Variants in MAF observed in about 807,000 individuals in gnomAD.
The protein encoded by MAF is transcription factor Maf.
In MAF, 10 loss-of-function variants were observed where a neutral mutation model predicts 22.0. That is an observed-to-expected ratio of 0.45 (90% CI 0.28 to 0.77). MAF has a LOEUF of 0.77. MAF is among the 30% of genes least tolerant of loss of function. MAF has a pLI of 0.12. For missense variants in MAF, 544 were observed against 548.4 expected (o/e 0.99, Z 0.08); for synonymous variants, 337 against 255.8 (o/e 1.32, Z -3.03).
chr16:79,297,570 T>C, the MAF span, among the ~76,000 whole-genome samples: 1 of 152,180 alleles, frequency 6.6e-6, no homozygotes, highest in Admixed American at 6.5e-5. Context: ...CGGCTATAAA[T>C]GGAGAAGATC....
the MAF span, among the ~76,000 whole-genome samples, chr16:79,263,530 T>G: frequency 2.6e-5 from 4 of 152,242 alleles, no homozygotes; most frequent in African/African-American, 9.6e-5. Context: ...TAACTTTGTT[T>G]CTTCATGCCA....
the MAF span, among the ~76,000 whole-genome samples, chr16:79,287,742 C>G: frequency 2.0e-5 from 3 of 152,218 alleles, no homozygotes; most frequent in Non-Finnish European, 4.4e-5. Context: ...TTCATTCACT[C>G]ATTCTTTCAT....
At chr16:79,293,320 G>T in the MAF span, among the ~76,000 whole-genome samples, 1 of 152,112 alleles carries the variant, frequency 6.6e-6, no homozygotes, top group African/African-American at 2.4e-5. Flanking sequence ...TGGATTAAGG[G>T]ACCTCACTCA....
chr16:79,294,581 T>C, the MAF span, among the ~76,000 whole-genome samples: 1 of 152,238 alleles, frequency 6.6e-6, no homozygotes, highest in African/African-American at 2.4e-5. Context: ...TACGTAGGTA[T>C]ACTATTATCA....
chr16:79,304,521 C>A, the MAF span, among the ~76,000 whole-genome samples: 1 of 151,884 alleles, frequency 6.6e-6, no homozygotes, highest in African/African-American at 2.4e-5. Flanking sequence ...TTTTGTGGGT[C>A]TGGTCTCACT....
the MAF span, among the ~76,000 whole-genome samples, chr16:79,211,034 AGTGTGT>A: frequency 0.022 from 3,323 of 149,704 alleles, 114 homozygotes; most frequent in African/African-American, 0.069. Flanking sequence ...TATGGTGAGG[AGTGTGT>A]GTGTGTGTGT....
chr16:79,590,215 G>A (rs1428411146), downstream of MAF, among the ~76,000 whole-genome samples: 4 of 152,010 alleles, frequency 2.6e-5, no homozygotes, highest in South Asian at 2.1e-4. Context: ...CGGAGGGGGG[G>A]ATGATGGGGG....
chr16:79,378,068 G>C, the MAF span, among the ~76,000 whole-genome samples: 3 of 152,158 alleles, frequency 2.0e-5, no homozygotes, highest in South Asian at 6.2e-4. Flanking sequence ...TGTGGAGAAA[G>C]TCATGGGTAG....
the MAF span, among the ~76,000 whole-genome samples, chr16:79,551,076 C>G: frequency 9.9e-5 from 15 of 152,128 alleles, no homozygotes; most frequent in African/African-American, 3.6e-4. Flanking sequence ...CTGGGAACCA[C>G]AAAATGTTGA....
the MAF span, among the ~76,000 whole-genome samples, chr16:79,545,351 G>T: frequency 1.3e-5 from 2 of 152,168 alleles, no homozygotes; most frequent in Non-Finnish European, 2.9e-5. Context: ...AACTGAGGGG[G>T]CCCATGCAAA....
chr16:79,394,621 A>G, the MAF span, among the ~76,000 whole-genome samples: 14 of 152,086 alleles, frequency 9.2e-5, no homozygotes, highest in Admixed American at 7.9e-4. Context: ...TACTTCCTTC[A>G]TAAGGGGTTT....
chr16:79,325,712 T>C, the MAF span, among the ~76,000 whole-genome samples: 1 of 152,164 alleles, frequency 6.6e-6, no homozygotes, highest in Non-Finnish European at 1.5e-5. Context: ...TTGAGGCAGA[T>C]GTGCAAAGTT....
chr16:79,302,131 G>A, the MAF span, among the ~76,000 whole-genome samples: 2 of 152,216 alleles, frequency 1.3e-5, no homozygotes, highest in African/African-American at 4.8e-5. Context: ...CAGTGATGGT[G>A]CCAGGCGAGG....
At chr16:79,588,744 G>A (rs1230815577) in intron 1 of MAF, among the ~76,000 whole-genome samples, 4 of 152,032 alleles carry the variant, frequency 2.6e-5, no homozygotes, top group African/African-American at 7.3e-5. Flanking sequence ...TTACAAGCAT[G>A]AGCCACCACA....
the MAF span, chr16:79,204,205 G>A: frequency 2.0e-5 from 3 of 152,090 alleles, no homozygotes; most frequent in Non-Finnish European, 2.9e-5. Flanking sequence ...AGGTATCCCA[G>A]GCAGCATCAG....
At chr16:79,347,434 G>A in the MAF span, among the ~76,000 whole-genome samples, 1 of 152,184 alleles carries the variant, frequency 6.6e-6, no homozygotes, top group Admixed American at 6.5e-5. Flanking sequence ...AAGGAGCATC[G>A]GCTCCAAACC....
At chr16:79,381,730 A>G in the MAF span, among the ~76,000 whole-genome samples, 2 of 151,978 alleles carry the variant, frequency 1.3e-5, no homozygotes, top group Admixed American at 6.5e-5. Context: ...CGGTTACACT[A>G]TTTCTCAACA....
the MAF span, among the ~76,000 whole-genome samples, chr16:79,491,110 C>T: frequency 6.6e-6 from 1 of 152,106 alleles, no homozygotes; most frequent in Non-Finnish European, 1.5e-5. Flanking sequence ...GGAGGGTAAG[C>T]AGTTCGAGAT....
the MAF span, among the ~76,000 whole-genome samples, chr16:79,418,702 C>T: frequency 1.3e-5 from 2 of 152,244 alleles, no homozygotes; most frequent in South Asian, 2.1e-4. Context: ...GATCCCCGGG[C>T]GCCTACCATA....
Sources: gnomAD v4.1 joint callset for allele counts (sites outside exome capture counted in the v4.1 genomes callset) on GRCh38, gnomAD v4.1.1 for gene constraint, MANE v1.5 for transcripts, NCBI Gene and HGNC (gene_info 2026-07-23, HGNC 2026-07-21) for gene names.